The following DIAPH2 variants were observed in gnomAD, a reference collection of about 807,000 sequenced individuals.
The protein encoded by DIAPH2 is diaphanous related formin 2.
In DIAPH2, 35 loss-of-function variants were observed where a neutral mutation model predicts 92.7. The observed-to-expected ratio is 0.38, with a 90% CI of 0.29 to 0.50. The LOEUF (loss-of-function observed/expected upper bound fraction) is 0.50. Ranked by LOEUF, DIAPH2 falls within the 20% of genes least tolerant of loss-of-function variation. The pLI, the probability that DIAPH2 is intolerant of heterozygous loss-of-function variation, is 0.94. For missense variants in DIAPH2, 701 were observed against 819.5 expected (o/e 0.86, Z 1.77); for synonymous variants, 301 against 280.4 (o/e 1.07, Z -0.73).
In DIAPH2 at chrX:97,062,506, A is replaced by G. The variant is rs186990555; in HGVS notation, c.2051-10435A>G. On this transcript the variant is annotated intron_variant, in intron 17 of 26. Transcript: ENST00000324765. ...ATTCAGATCACAAGTAAATGAGAGA[A>G]TAGGAGGGAAGGACAGGGAGATGGT... is the stretch of plus-strand genomic sequence containing the variant. 3.4e-3 allele frequency among the ~76,000 whole-genome samples: 373 copies of G among 111,252 alleles called. 1 individual carries two copies. Among genetic ancestry groups the G allele is most frequent in the Non-Finnish European group, 5.0e-3 (263 of 53,072 alleles).
At chrX:97,536,384 A>G (rs751288109) in intron 26 of DIAPH2, among the ~76,000 whole-genome samples, 11 of 112,204 alleles carry the variant, frequency 9.8e-5, no homozygotes, top group Non-Finnish European at 1.9e-4. Context: ...ATATCATATG[A>G]GTCAGCTTTT....
intron 11 of DIAPH2, 133 bp downstream of exon 11, chrX:96,937,484 AC>A (rs1472747079): frequency 1.1e-5 from 4 of 363,217 alleles, no homozygotes; most frequent in Non-Finnish European, 2.0e-5. Context: ...TTAGAACCTT[AC>A]TATGATGCTG....
chrX:96,936,953 T>G (rs1204974659), intron 10 of DIAPH2, among the ~76,000 whole-genome samples: 1 of 112,023 alleles, frequency 8.9e-6, no homozygotes, highest in Non-Finnish European at 1.9e-5. Flanking sequence ...ATTTGGGTTG[T>G]TAGCAATTAG....
At chrX:97,195,235 A>G (rs890186353) in intron 22 of DIAPH2, among the ~76,000 whole-genome samples, 3 of 112,546 alleles carry the variant, frequency 2.7e-5, no homozygotes, top group African/African-American at 9.7e-5. Flanking sequence ...AATATATTGT[A>G]TAATCATACA....
At chrX:96,913,693 T>C (rs1205526939) in intron 7 of DIAPH2, among the ~76,000 whole-genome samples, 1 of 111,181 alleles carries the variant, frequency 9.0e-6, no homozygotes, top group Non-Finnish European at 1.9e-5. Flanking sequence ...TCTCTTTCTT[T>C]TATGTTTTAT....
intron 17 of DIAPH2, among the ~76,000 whole-genome samples, chrX:97,001,369 G>C (rs191435802): frequency 8.9e-6 from 1 of 112,237 alleles, no homozygotes; most frequent in Non-Finnish European, 1.9e-5. Context: ...GCCAGTCCAG[G>C]TGCGGTGGCT....
chrX:97,070,727 T>C (rs921868152), intron 17 of DIAPH2, among the ~76,000 whole-genome samples: 1 of 111,733 alleles, frequency 8.9e-6, no homozygotes, highest in African/African-American at 3.2e-5. Context: ...GGAACTCTTA[T>C]CACTTTTCGA....
intron 26 of DIAPH2, among the ~76,000 whole-genome samples, chrX:97,436,165 A>G (rs1429364234): frequency 2.7e-5 from 3 of 111,991 alleles, no homozygotes; most frequent in Non-Finnish European, 5.6e-5. Flanking sequence ...CCAAATAGCT[A>G]TAGATACTTA....
intron 26 of DIAPH2, among the ~76,000 whole-genome samples, chrX:97,543,360 G>A (rs772008078): frequency 8.9e-6 from 1 of 111,852 alleles, no homozygotes; most frequent in Non-Finnish European, 1.9e-5. Context: ...GGCCAGCCCA[G>A]GTTAAAGGGG....
chrX:97,463,393 TTTA>T (rs1400301384), intron 26 of DIAPH2, among the ~76,000 whole-genome samples: 2 of 109,411 alleles, frequency 1.8e-5, no homozygotes, highest in Non-Finnish European at 3.8e-5. Context: ...TTTGTTTATT[TTTA>T]TTATTATTTT....
At chrX:96,727,685 T>C (rs1401281112) in intron 1 of DIAPH2, among the ~76,000 whole-genome samples, 1 of 111,840 alleles carries the variant, frequency 8.9e-6, no homozygotes, top group Non-Finnish European at 1.9e-5. Flanking sequence ...TGAGCAGATA[T>C]TATGTGCCAG....
chrX:96,899,056 C>T (rs150863442), intron 5 of DIAPH2, among the ~76,000 whole-genome samples: 4,814 of 108,445 alleles, frequency 0.044, 156 homozygotes, highest in Middle Eastern at 0.12. Context: ...GCATTATTTC[C>T]GAGGGCTCTG....
At chrX:97,349,416 C>T (rs187721281) in intron 24 of DIAPH2, among the ~76,000 whole-genome samples, 1 of 111,339 alleles carries the variant, frequency 9.0e-6, no homozygotes, top group East Asian at 2.8e-4. Context: ...AGTTAACAAA[C>T]AAATTCATTC....
At chrX:97,229,117 T>C (rs1324140674) in intron 22 of DIAPH2, among the ~76,000 whole-genome samples, 2 of 112,011 alleles carry the variant, frequency 1.8e-5, no homozygotes, top group Non-Finnish European at 3.8e-5. Context: ...ATATTTGGGA[T>C]AGCACTGCCA....
intron 4 of DIAPH2, among the ~76,000 whole-genome samples, chrX:96,791,483 A>G: frequency 9.3e-6 from 1 of 107,922 alleles, no homozygotes; most frequent in African/African-American, 3.4e-5. Context: ...GGCTGCAGGG[A>G]GCTATGATCA....
intron 22 of DIAPH2, among the ~76,000 whole-genome samples, chrX:97,212,547 A>C (rs12836582): frequency 0.47 from 49,856 of 105,133 alleles, 9,915 homozygotes; most frequent in Non-Finnish European, 0.6. Context: ...TTTCTCACTA[A>C]AAAACTGTAT....
chrX:97,591,753 A>AT (rs1202465017), intron 26 of DIAPH2, among the ~76,000 whole-genome samples: 1 of 111,652 alleles, frequency 9.0e-6, no homozygotes, highest in East Asian at 2.8e-4. Context: ...CTTTTTCTGT[A>AT]TTTTCTAGAT....
chrX:96,731,779 A>G, intron 1 of DIAPH2, among the ~76,000 whole-genome samples: 1 of 111,436 alleles, frequency 9.0e-6, no homozygotes, highest in Non-Finnish European at 1.9e-5. Context: ...TATATTTAAT[A>G]TAGCTGATCA....
intron 17 of DIAPH2, among the ~76,000 whole-genome samples, chrX:97,029,496 T>C (rs1006216833): frequency 1.8e-5 from 2 of 111,751 alleles, no homozygotes; most frequent in Non-Finnish European, 3.8e-5. Flanking sequence ...CATTTTCATG[T>C]TAGTGTCTTT....
Sources: allele counts gnomAD v4.1 joint callset (sites outside exome capture counted in the v4.1 genomes callset), GRCh38; gene constraint gnomAD v4.1.1; transcripts MANE v1.5; gene names NCBI Gene and HGNC (gene_info 2026-07-23, HGNC 2026-07-21).